Variants in LPP observed in about 807,000 individuals in gnomAD.
LPP encodes the protein lipoma-preferred partner.
In LPP, 38 loss-of-function variants were observed where a neutral mutation model predicts 60.4. The observed-to-expected ratio is 0.63, with a 90% CI of 0.49 to 0.83. The LOEUF (loss-of-function observed/expected upper bound fraction) is 0.83. Among genes scored for constraint, LPP ranks in the 40% least tolerant of loss-of-function variants. The pLI is 0.00. For missense variants in LPP, 902 were observed against 783.6 expected (o/e 1.15, Z -1.80); for synonymous variants, 328 against 290.8 (o/e 1.13, Z -1.30).
At chr3:188,606,772 A>G (rs1842457775) in intron 6 of LPP, among the ~76,000 whole-genome samples, 1 of 152,180 alleles carries the variant, frequency 6.6e-6, no homozygotes, top group South Asian at 2.1e-4. Flanking sequence ...TTTTCTCGTC[A>G]ATAATGCCAG....
intron 8 of LPP, among the ~76,000 whole-genome samples, chr3:188,753,802 T>G (rs1258558915): frequency 6.6e-6 from 1 of 151,942 alleles, no homozygotes; most frequent in Admixed American, 6.6e-5. Flanking sequence ...TATGTATTTG[T>G]AGAGGGAAAA....
chr3:188,724,215 C>T (rs1717526163), intron 8 of LPP, among the ~76,000 whole-genome samples: 1 of 152,094 alleles, frequency 6.6e-6, no homozygotes, highest in Non-Finnish European at 1.5e-5. Flanking sequence ...AAATAATTTT[C>T]CCGGAATCTA....
In LPP at chr3:188,717,381, A is replaced by T. The variant is rs778627971; in HGVS notation, c.1240+8988A>T. On this transcript the variant is annotated intron_variant, in intron 8 of 11. Transcript: ENST00000617246. ...TTTGTATTTCATAGTTTGTGTTATT[A>T]TGTGACAAGAAAATGGTTTCCAAAG... Among the ~76,000 whole-genome samples, 56 of 152,236 alleles carry T rather than the reference A, an allele frequency of 3.7e-4. 1 individual carries two copies. The highest frequency in any genetic ancestry group is 4.7e-4 in the Non-Finnish European group (32 of 68,038).
chr3:188,380,391 AC>A (rs1215299077), intron 3 of LPP, among the ~76,000 whole-genome samples: 2 of 152,258 alleles, frequency 1.3e-5, no homozygotes, highest in African/African-American at 4.8e-5. Flanking sequence ...CTTCTGGGTC[AC>A]ATGTTTGCCT....
intron 9 of LPP, among the ~76,000 whole-genome samples, chr3:188,843,104 A>C (rs1760438932): frequency 6.6e-6 from 1 of 152,086 alleles, no homozygotes; most frequent in African/African-American, 2.4e-5. Flanking sequence ...TAATTAATTT[A>C]CCCATTTTTC....
intron 9 of LPP, among the ~76,000 whole-genome samples, chr3:188,794,579 A>T (rs1744769868): frequency 6.6e-6 from 1 of 152,168 alleles, no homozygotes. Flanking sequence ...TAGAAAAACG[A>T]TTTGTTGGAA....
At chr3:188,407,183 TA>T (rs1192577272) in intron 4 of LPP, among the ~76,000 whole-genome samples, 2 of 143,872 alleles carry the variant, frequency 1.4e-5, no homozygotes, top group African/African-American at 4.9e-5. Flanking sequence ...GTCCCACCAT[TA>T]AAAAAATTAT....
intron 9 of LPP, among the ~76,000 whole-genome samples, chr3:188,821,854 ATT>A (rs1754062490): frequency 6.6e-6 from 1 of 152,200 alleles, no homozygotes; most frequent in East Asian, 1.9e-4. Context: ...ATTCTTACAT[ATT>A]AATGTTGCAG....
At chr3:188,279,594 T>C (rs1362232624) in intron 2 of LPP, among the ~76,000 whole-genome samples, 1 of 152,062 alleles carries the variant, frequency 6.6e-6, no homozygotes, top group Non-Finnish European at 1.5e-5. Flanking sequence ...AGATAGCGAG[T>C]GGAGCTGTTA....
intron 5 of LPP, among the ~76,000 whole-genome samples, chr3:188,492,420 T>C (rs1013353165): frequency 2.0e-5 from 3 of 152,006 alleles, no homozygotes; most frequent in Admixed American, 6.6e-5. Flanking sequence ...GTCAGCCGGG[T>C]GTGGTGGCTC....
intron 7 of LPP, among the ~76,000 whole-genome samples, chr3:188,612,064 T>G (rs1461145297): frequency 6.6e-6 from 1 of 152,240 alleles, no homozygotes; most frequent in Non-Finnish European, 1.5e-5. Flanking sequence ...ATTACAGATT[T>G]TGGATATCAG....
Position 188,273,658 on chromosome 3 carries a change from C to T in LPP, c.-67+48131C>T, listed in dbSNP as rs532349615. On this transcript the variant is annotated intron_variant, in intron 2 of 11. Coordinates refer to ENST00000617246, the MANE Select transcript of LPP (RefSeq NM_001375462.1). ...TTGCCCAGGCTGGAGTTCAATGGCA[C>T]GATCTCGGCTTACTGCAACCTCCAC... Among the ~76,000 whole-genome samples, 79 of 136,962 alleles carry T rather than the reference C, an allele frequency of 5.8e-4. No homozygotes were observed. The East Asian group carries it at 5.8e-3, about 10-fold the overall frequency. 89.9% of individuals were successfully genotyped at this position (136,962 alleles called of 152,430 possible).
At chr3:188,759,128 G>A (rs749247926) in intron 8 of LPP, 2 of 152,170 alleles carry the variant, frequency 1.3e-5, no homozygotes, top group Non-Finnish European at 2.9e-5. Flanking sequence ...CCATGATGGA[G>A]CCACATAGAG....
intron 7 of LPP, among the ~76,000 whole-genome samples, chr3:188,612,169 A>C (rs1006492365): frequency 2.0e-5 from 3 of 152,202 alleles, no homozygotes; most frequent in African/African-American, 7.2e-5. Context: ...TGAAAAAATG[A>C]AAATCAAACC....
chr3:188,406,013 G>C, intron 3 of LPP, 99 bp from the exon 4 acceptor site: 1 of 960,760 alleles, frequency 1.0e-6, no homozygotes, highest in Non-Finnish European at 1.5e-6. Flanking sequence ...ACTTTATCAG[G>C]ATGCATTTAG....
At chr3:188,187,107 T>C (rs1241413703) in intron 1 of LPP, among the ~76,000 whole-genome samples, 1 of 152,212 alleles carries the variant, frequency 6.6e-6, no homozygotes, top group African/African-American at 2.4e-5. Flanking sequence ...AGGTTACCTT[T>C]TGCATCTCGA....
intron 7 of LPP, among the ~76,000 whole-genome samples, chr3:188,670,451 T>C (rs1199234989): frequency 6.8e-6 from 1 of 146,856 alleles, no homozygotes; most frequent in African/African-American, 2.5e-5. Flanking sequence ...GTCTCTCTCT[T>C]TTTTTTTTTT....
At chr3:188,580,275 T>G (rs1221762644) in intron 6 of LPP, among the ~76,000 whole-genome samples, 1 of 152,142 alleles carries the variant, frequency 6.6e-6, no homozygotes, top group Non-Finnish European at 1.5e-5. Flanking sequence ...CATTTAGTAT[T>G]TAATTATAAT....
chr3:188,539,380 G>A (rs1423288846), intron 6 of LPP, among the ~76,000 whole-genome samples: 2 of 152,208 alleles, frequency 1.3e-5, no homozygotes, highest in African/African-American at 4.8e-5. Context: ...CTACCTGGAT[G>A]ATCACAGAAG....
Sources: allele counts gnomAD v4.1 joint callset (sites outside exome capture counted in the v4.1 genomes callset), GRCh38; gene constraint gnomAD v4.1.1; transcripts MANE v1.5; gene names NCBI Gene and HGNC (gene_info 2026-07-23, HGNC 2026-07-21).